Variants in SLC26A8 observed in about 807,000 individuals in gnomAD.
SLC26A8 encodes solute carrier family 26 member 8.
In SLC26A8, 70 loss-of-function variants were observed where a neutral mutation model predicts 105.0. That is an observed-to-expected ratio of 0.67 (90% CI 0.55 to 0.81). SLC26A8 has a LOEUF of 0.81. Ranked by LOEUF, SLC26A8 falls within the 40% of genes least tolerant of loss-of-function variation. The probability of loss-of-function intolerance (pLI) is 0.00; values close to 1 mark genes in which losing one functional copy is unlikely to be tolerated. For missense variants in SLC26A8, 998 were observed against 1,181.8 expected (o/e 0.84, Z 2.28); for synonymous variants, 415 against 438.3 (o/e 0.95, Z 0.66).
chr6:35,999,862 A>G (rs1056051317), intron 4 of SLC26A8, 130 bp downstream of exon 4: 12 of 635,444 alleles, frequency 1.9e-5, no homozygotes, highest in African/African-American at 1.6e-4. Flanking sequence ...CACTAACTGT[A>G]TGGATAGAAT....
At chr6:36,012,474 C>T in intron 2 of SLC26A8, 102 bp from the exon 3 acceptor site, 1 of 1,274,050 alleles carries the variant, frequency 7.8e-7, no homozygotes, top group Non-Finnish European at 1.1e-6. Context: ...AAAGTAGAGT[C>T]TTGTCAGCAC....
rs201152927 is a variant in SLC26A8 at position 35,992,674 on chromosome 6, G to A, written c.628C>T (p.Leu210=). 1 of 1,604,008 alleles carries A rather than the reference G, an allele frequency of 6.2e-7. No homozygotes were observed. The highest frequency in any genetic ancestry group is 1.7e-4 in the Middle Eastern group (1 of 5,992). The part of the protein sequence containing the change: ...TTTFLTGIIQ[L]IMGVLGLGFI... ...CCCAAACCCAATACGCCCATTATTA[G>A]CTGCAGAGAAGAGAAAACCAGAGTG... Residue 210 remains leucine, a splice_region_variant and synonymous_variant, in exon 6 of 20, where the codon CTA becomes TTA. Coordinates refer to ENST00000490799, the MANE Select transcript of SLC26A8 (RefSeq NM_052961.4).
chr6:35,954,983 T>C lies in SLC26A8; in HGVS notation c.2232+169A>G, dbSNP rs150399104. ...GAAAAAAGAATTGGTTCATTCTCTT[T>C]TTATTTTGATTGACCTTATATTGTA... On this transcript the variant is annotated intron_variant, in intron 17 of 19. Transcript: ENST00000490799. The C allele has an allele frequency of 6.4e-4, 485 of 753,992 alleles. 2 individuals are homozygous for C. Among genetic ancestry groups the C allele is most frequent in the Non-Finnish European group, 5.2e-4 (235 of 455,710 alleles). 46.7% of individuals were successfully genotyped at this position (753,992 alleles called of 1,614,324 possible).
intron 8 of SLC26A8, among the ~76,000 whole-genome samples, chr6:35,979,207 G>T (rs1351521336): frequency 2.0e-5 from 3 of 151,782 alleles, no homozygotes; most frequent in Non-Finnish European, 4.4e-5. Context: ...GCCGGGCACG[G>T]TGGCTCACGC....
At chr6:36,009,078 C>T (rs549511543) in intron 3 of SLC26A8, among the ~76,000 whole-genome samples, 8 of 152,124 alleles carry the variant, frequency 5.3e-5, no homozygotes, top group African/African-American at 1.4e-4. Flanking sequence ...TGAGGCCAGG[C>T]GCTGTGGCTC....
chr6:35,964,908 A>G (rs1309513916), intron 11 of SLC26A8, among the ~76,000 whole-genome samples: 2 of 151,260 alleles, frequency 1.3e-5, no homozygotes, highest in Non-Finnish European at 2.9e-5. Context: ...CAGAGGTTGC[A>G]GTGAGCCGAG....
intron 5 of SLC26A8, among the ~76,000 whole-genome samples, chr6:35,993,718 G>A (rs1761258685): frequency 2.0e-5 from 3 of 151,956 alleles, no homozygotes; most frequent in Non-Finnish European, 2.9e-5. Flanking sequence ...TGAGATGTTC[G>A]TCTTTTATAA....
intron 4 of SLC26A8, among the ~76,000 whole-genome samples, 168 bp downstream of exon 4, chr6:35,999,824 C>G (rs1298409619): frequency 6.6e-6 from 1 of 152,194 alleles, no homozygotes; most frequent in Non-Finnish European, 1.5e-5. Flanking sequence ...TAATGATACA[C>G]TAGAAGTATT....
Position 35,962,305 on chromosome 6 carries a change from C to G in SLC26A8, c.1461+221G>C, listed in dbSNP as rs545878646. ...CTAGATTTGGATGTAACTGTAGCCA[C>G]TTAATCCTTTTCATTTAATTTTGCA... is the stretch of plus-strand genomic sequence containing the variant. On this transcript the variant is annotated intron_variant, in intron 12 of 19. Coordinates refer to ENST00000490799, the MANE Select transcript of SLC26A8 (RefSeq NM_052961.4). 2.0e-5 allele frequency among the ~76,000 whole-genome samples: 3 copies of G among 152,118 alleles called. No homozygotes were observed. In the East Asian group the frequency reaches 5.8e-4, roughly 29 times the overall value.
chr6:36,024,560 T>C lies in SLC26A8; in HGVS notation c.-59A>G, dbSNP rs1319995521. 4 of 382,336 alleles carry C rather than the reference T, an allele frequency of 1.0e-5. No homozygotes were observed. Among genetic ancestry groups the C allele is most frequent in the African/African-American group, 2.1e-5 (1 of 46,882 alleles). 23.7% of individuals were successfully genotyped at this position (382,336 alleles called of 1,614,324 possible). On this transcript the variant is annotated 5_prime_UTR_variant, in exon 1 of 20. Coordinates refer to ENST00000490799, the MANE Select transcript of SLC26A8 (RefSeq NM_052961.4). ...GCTGGGATCCCACACGGCTCTCGCC[T>C]GGCTGGCGGCGCTGCGGACGCGGAT...
chr6:35,949,767 G>GT (rs544940950), intron 19 of SLC26A8, among the ~76,000 whole-genome samples: 457 of 150,518 alleles, frequency 3.0e-3, no homozygotes, highest in Non-Finnish European at 5.0e-3. Context: ...TTAACTAGTT[G>GT]TTTTTTTATT....
intron 7 of SLC26A8, among the ~76,000 whole-genome samples, chr6:35,984,323 T>A (rs1295762949): frequency 2.9e-3 from 146 of 50,256 alleles, no homozygotes; most frequent in African/African-American, 6.5e-3. Flanking sequence ...CTTCTTATTT[T>A]TTTTTTTTTT....
chr6:35,962,445 A>G, intron 12 of SLC26A8, 81 bp downstream of exon 12: 2 of 1,139,644 alleles, frequency 1.8e-6, no homozygotes, highest in Non-Finnish European at 1.3e-6. Flanking sequence ...GGTCCATGGC[A>G]GATCTCTTTT....
intron 10 of SLC26A8, among the ~76,000 whole-genome samples, chr6:35,972,264 A>T (rs182337785): frequency 9.0e-4 from 137 of 152,274 alleles, no homozygotes; most frequent in African/African-American, 3.2e-3. Context: ...TCTCAGGCAG[A>T]GTGAATCAAG....
intron 3 of SLC26A8, among the ~76,000 whole-genome samples, chr6:36,001,612 G>A (rs948076003): frequency 2.6e-5 from 4 of 152,246 alleles, no homozygotes; most frequent in Non-Finnish European, 4.4e-5. Flanking sequence ...ACCTGCCAGA[G>A]GTGGCTTCAA....
At chr6:35,951,543 C>G (rs1456864510) in intron 17 of SLC26A8, 44 bp from the exon 18 acceptor site, 3 of 1,599,530 alleles carry the variant, frequency 1.9e-6, no homozygotes, top group Admixed American at 1.7e-5. Flanking sequence ...TTTATACTTG[C>G]TAGGAAAGGC....
At chr6:36,011,785 T>A (rs1215925108) in intron 3 of SLC26A8, among the ~76,000 whole-genome samples, 1 of 152,144 alleles carries the variant, frequency 6.6e-6, no homozygotes, top group Non-Finnish European at 1.5e-5. Flanking sequence ...TTTTTGTATT[T>A]TTTTGTAGAG....
intron 11 of SLC26A8, among the ~76,000 whole-genome samples, chr6:35,967,018 T>C (rs1772544645): frequency 6.6e-6 from 1 of 152,202 alleles, no homozygotes; most frequent in Non-Finnish European, 1.5e-5. Flanking sequence ...AATCAGTGAG[T>C]GGCCCTCCTA....
chr6:35,991,583 A>C, intron 7 of SLC26A8, 76 bp downstream of exon 7: 1 of 1,208,662 alleles, frequency 8.3e-7, no homozygotes, highest in South Asian at 1.9e-5. Flanking sequence ...TTCAGCTTTT[A>C]CACAATTCAA....
Sources: gnomAD v4.1 joint callset for allele counts (sites outside exome capture counted in the v4.1 genomes callset) on GRCh38, gnomAD v4.1.1 for gene constraint, MANE v1.5 for transcripts, NCBI Gene and HGNC (gene_info 2026-07-23, HGNC 2026-07-21) for gene names.